Variants in CCDC81 observed in about 807,000 individuals in gnomAD.
CCDC81 encodes the protein coiled-coil domain containing 81.
Under a neutral mutation model 83.7 loss-of-function variants are expected in CCDC81, and 79 were observed. That is an observed-to-expected ratio of 0.94 (90% CI 0.79 to 1.14). The LOEUF is 1.14. Among genes scored for constraint, CCDC81 ranks in the 50% most tolerant of loss-of-function variants. The probability of loss-of-function intolerance (pLI) is 0.00; values close to 1 mark genes in which losing one functional copy is unlikely to be tolerated. For missense variants in CCDC81, 791 were observed against 778.1 expected, an observed-to-expected ratio of 1.02 and a Z score of -0.20; for synonymous variants, 252 against 278.1, an observed-to-expected ratio of 0.91 and a Z score of 0.93.
chr11:86,411,178 TCTTGGTCACTATGCCTTCTCCTTTCC>T (rs1198958287), intron 10 of CCDC81, among the ~76,000 whole-genome samples: 1 of 152,212 alleles, frequency 6.6e-6, no homozygotes, highest in Non-Finnish European at 1.5e-5. Flanking sequence ...CCTGCCTTCC[TCTTGGTCACTATGCCTTCTCCTTTCC>T]CTTGGTCACT....
intron 4 of CCDC81, 21 bp from the exon 5 acceptor site, chr11:86,395,313 T>G (rs1948390018): frequency 6.2e-7 from 1 of 1,609,654 alleles, no homozygotes; most frequent in Admixed American, 1.7e-5. Context: ...GATGTAACCT[T>G]GCTCTGTTGC....
chr11:86,418,675 T>C (rs1948751287), intron 13 of CCDC81, among the ~76,000 whole-genome samples: 1 of 152,150 alleles, frequency 6.6e-6, no homozygotes, highest in Admixed American at 6.5e-5. Flanking sequence ...GAAGTAAAAT[T>C]CATAGAAACA....
chr11:86,411,479 T>G (rs555100660), intron 10 of CCDC81, among the ~76,000 whole-genome samples: 1 of 152,234 alleles, frequency 6.6e-6, no homozygotes, highest in South Asian at 2.1e-4. Flanking sequence ...TCTTGCTCAT[T>G]GTCTGTCTCC....
intron 1 of CCDC81, among the ~76,000 whole-genome samples, chr11:86,383,425 C>A (rs1948199490): frequency 1.3e-5 from 2 of 152,132 alleles, no homozygotes; most frequent in Admixed American, 1.3e-4. Context: ...ACAGAACAGG[C>A]ATGTAGGATT....
chr11:86,387,631 T>C lies in CCDC81; in HGVS notation c.257T>C (p.Val86Ala). ...GTGTTTATCATGGTGGAGAAGCTAG[T>C]GCAGATTCATGGACTCAAACAAAAC... ...RPVFIMVEKLVQIHGLKQNKV... is the reference protein window; with the variant it reads ...RPVFIMVEKLAQIHGLKQNKV... Residue 86 changes from valine to alanine, a missense_variant, in exon 3 of 15, where the codon GTG becomes GCG. Coordinates refer to ENST00000445632, the MANE Select transcript of CCDC81 (RefSeq NM_001156474.2). The C allele has an allele frequency of 6.2e-7, 1 of 1,610,222 alleles. No homozygotes were observed. The highest frequency in any genetic ancestry group is 8.5e-7 in the Non-Finnish European group (1 of 1,176,770).
intron 14 of CCDC81, among the ~76,000 whole-genome samples, chr11:86,420,425 G>A (rs1022100814): frequency 4.2e-4 from 64 of 152,272 alleles, no homozygotes; most frequent in African/African-American, 1.5e-3. Context: ...AGCAGGGTCA[G>A]GGGTTGTAAG....
intron 13 of CCDC81, chr11:86,418,968 G>A (rs1948755225): frequency 6.6e-6 from 1 of 152,126 alleles, no homozygotes; most frequent in African/African-American, 2.4e-5. Flanking sequence ...GATAGGCACT[G>A]GCACTTCCTG....
chr11:86,376,691 A>G (rs185055006), intron 1 of CCDC81, among the ~76,000 whole-genome samples: 1 of 152,348 alleles, frequency 6.6e-6, no homozygotes, highest in African/African-American at 2.4e-5. Context: ...TAACCATATC[A>G]GACAGAGATG....
At chr11:86,383,925 T>C (rs2138495283) in intron 1 of CCDC81, among the ~76,000 whole-genome samples, 1 of 152,344 alleles carries the variant, frequency 6.6e-6, no homozygotes, top group Non-Finnish European at 1.5e-5. Flanking sequence ...CTGTTAGGCT[T>C]TATGGAATAA....
intron 13 of CCDC81, among the ~76,000 whole-genome samples, chr11:86,418,187 T>C (rs1336680641): frequency 6.6e-6 from 1 of 152,056 alleles, no homozygotes; most frequent in Non-Finnish European, 1.5e-5. Flanking sequence ...GTCACATCCA[T>C]CAGGATAGCT....
At chr11:86,415,018 C>T (rs1948696864) in intron 12 of CCDC81, 75 bp from the exon 13 acceptor site, 1 of 1,509,406 alleles carries the variant, frequency 6.6e-7, no homozygotes, top group Non-Finnish European at 9.1e-7. Context: ...TGGTATTTTA[C>T]CACATTACAG....
intron 1 of CCDC81, among the ~76,000 whole-genome samples, chr11:86,379,703 G>A (rs532301183): frequency 6.6e-6 from 1 of 152,286 alleles, no homozygotes; most frequent in East Asian, 1.9e-4. Flanking sequence ...TAGGCCAGGT[G>A]CAGTGGCTCA....
chr11:86,420,143 G>A, intron 14 of CCDC81, 90 bp downstream of exon 14: 2 of 1,465,658 alleles, frequency 1.4e-6, no homozygotes, highest in African/African-American at 1.4e-5. Context: ...AGCAGTGGCT[G>A]CCTAGAGAAC....
chr11:86,409,296 A>G lies in CCDC81; in HGVS notation c.1149A>G (p.Lys383=). Residue 383 remains lysine (K), a synonymous_variant, in exon 10 of 15, where the codon AAA becomes AAG. Transcript: ENST00000445632. The part of the protein sequence containing the change: ...KSLATREQNQ[K]NAAYNLGVAE... ...TGGCTACTAGAGAACAGAATCAGAA[A>G]AATGCTGCCTATAATCTTGGAGTTG... is the stretch of plus-strand genomic sequence containing the variant. 2 of 1,534,500 alleles carry G rather than the reference A, an allele frequency of 1.3e-6. No individual in the cohort carries two copies. Among genetic ancestry groups the G allele is most frequent in the Admixed American group, 2.1e-5 (1 of 46,798 alleles).
At chr11:86,390,093 G>T (rs1156885169) in intron 3 of CCDC81, among the ~76,000 whole-genome samples, 2 of 152,062 alleles carry the variant, frequency 1.3e-5, no homozygotes, top group African/African-American at 4.8e-5. Flanking sequence ...GACAGAGTGA[G>T]ACTCCATCTC....
intron 13 of CCDC81, among the ~76,000 whole-genome samples, chr11:86,416,400 C>T (rs1287479346): frequency 6.6e-6 from 1 of 152,172 alleles, no homozygotes; most frequent in Admixed American, 6.5e-5. Context: ...AGATATGGGA[C>T]CCTCTGTATT....
chr11:86,387,390 C>A, intron 2 of CCDC81, 126 bp from the exon 3 acceptor site: 1 of 787,162 alleles, frequency 1.3e-6, no homozygotes, highest in South Asian at 1.7e-5. Context: ...CTGAAGAGTC[C>A]TAGAGATCAC....
At chr11:86,394,898 C>T (rs1948382574) in intron 4 of CCDC81, among the ~76,000 whole-genome samples, 1 of 152,216 alleles carries the variant, frequency 6.6e-6, no homozygotes, top group Non-Finnish European at 1.5e-5. Context: ...CCTAAGGCCA[C>T]ATGCCTGTTA....
In CCDC81 at chr11:86,422,576, C is replaced by T. The variant is rs747551887; in HGVS notation, c.1820C>T (p.Ala607Val). ...GGCATTTGCTCTCCTCTCCTCAGGGCTTCAGACAAGCTGTTTCTCCTAGAC... is the reference window on the plus strand; with the variant it reads ...GGCATTTGCTCTCCTCTCCTCAGGGTTTCAGACAAGCTGTTTCTCCTAGAC... ...RDLEDKAFER[A>V]SDKLFLLDQC... is the part of the protein sequence containing the mutation. The change falls in exon 15 of 15, where the codon GCT (alanine) becomes GTT (valine). Residue 607 changes from alanine (A) to valine (V), a missense_variant and splice_region_variant. By Grantham distance (64) the Ala-to-Val change is moderately conservative. Transcript: ENST00000445632. The T allele has an allele frequency of 3.7e-6, 6 of 1,613,476 alleles. No individual in the cohort carries two copies. The East Asian group carries it at 8.9e-5, about 24-fold the overall frequency.
Sources: allele counts gnomAD v4.1 joint callset (sites outside exome capture counted in the v4.1 genomes callset), GRCh38; gene constraint gnomAD v4.1.1; transcripts MANE v1.5; gene names NCBI Gene and HGNC (gene_info 2026-07-23, HGNC 2026-07-21).